The following CDH18 variants were observed in gnomAD, a reference collection of about 807,000 sequenced individuals.
CDH18 encodes cadherin-18.
A neutral mutation model predicts 67.9 loss-of-function variants in CDH18; 31 were observed. The ratio of observed to expected loss-of-function variants is 0.46; its 90% CI spans 0.34 to 0.62. The LOEUF (loss-of-function observed/expected upper bound fraction) is 0.62, where lower values mean the gene tolerates loss of function less well. Ranked by LOEUF, CDH18 falls within the 20% of genes least tolerant of loss-of-function variation. CDH18 has a pLI of 0.01. For missense variants in CDH18, 890 were observed against 975.5 expected (o/e 0.91, Z 1.17); for synonymous variants, 362 against 347.2 (o/e 1.04, Z -0.48).
At chr5:19,728,288 T>C (rs1458505004) in intron 4 of CDH18, among the ~76,000 whole-genome samples, 2 of 152,150 alleles carry the variant, frequency 1.3e-5, no homozygotes. Context: ...TTAAAAGTTA[T>C]AATCACAAAA....
At chr5:20,380,934 C>A (rs1400311523) in intron 1 of CDH18, among the ~76,000 whole-genome samples, 1 of 152,066 alleles carries the variant, frequency 6.6e-6, no homozygotes, top group East Asian at 1.9e-4. Context: ...ATGTTGAAAT[C>A]CTAATTCTCA....
intron 2 of CDH18, among the ~76,000 whole-genome samples, chr5:20,115,268 A>ATTT (rs1202226544): frequency 4.7e-5 from 2 of 42,644 alleles, no homozygotes; most frequent in Admixed American, 2.9e-4. Flanking sequence ...TCAGGGCCTC[A>ATTT]TCTTTTTTTT....
intron 2 of CDH18, among the ~76,000 whole-genome samples, chr5:20,100,472 A>G (rs1278697502): frequency 6.6e-6 from 1 of 152,210 alleles, no homozygotes; most frequent in Admixed American, 6.5e-5. Flanking sequence ...TATGTATCTA[A>G]ATTTTAATTT....
chr5:20,351,163 T>C (rs1265870635), intron 1 of CDH18, among the ~76,000 whole-genome samples: 1 of 126,898 alleles, frequency 7.9e-6, no homozygotes, highest in Non-Finnish European at 1.6e-5. Flanking sequence ...AATGTATTTG[T>C]GTGTGTGTGT....
chr5:20,370,395 T>C (rs1742883057), intron 1 of CDH18, among the ~76,000 whole-genome samples: 1 of 152,204 alleles, frequency 6.6e-6, no homozygotes, highest in Non-Finnish European at 1.5e-5. Context: ...GTTGTTATTA[T>C]CACTTTAGAG....
intron 2 of CDH18, among the ~76,000 whole-genome samples, chr5:20,200,124 T>A (rs1739330535): frequency 6.6e-6 from 1 of 152,208 alleles, no homozygotes. Flanking sequence ...TTAAATCCGA[T>A]AATTATTTCA....
intron 2 of CDH18, among the ~76,000 whole-genome samples, chr5:19,924,347 A>AGAGTCCTATTTTT (rs1386163099): frequency 6.6e-6 from 1 of 152,214 alleles, no homozygotes; most frequent in African/African-American, 2.4e-5. Context: ...TTTTAAAAAT[A>AGAGTCCTATTTTT]GGACTTTGGC....
Position 19,987,569 on chromosome 5 carries a change from G to A in CDH18, c.-376+517C>T, listed in dbSNP as rs139593914. 1.6e-3 allele frequency among the ~76,000 whole-genome samples: 246 copies of A among 151,944 alleles called. 1 individual carries two copies. The highest frequency in any genetic ancestry group is 5.7e-3 in the African/African-American group (236 of 41,462). The stretch of plus-strand genomic sequence containing the variant: ...AAAAGAATGAAAGAATATAAATGAG[G>A]CTTGTCCTGCTGCAGTTTCAGTGCT... On this transcript the variant is annotated intron_variant, in intron 1 of 12. Coordinates refer to ENST00000382275, the MANE Select transcript of CDH18 (RefSeq NM_004934.5).
In CDH18 at chr5:19,785,605, G is replaced by T. The variant is rs149631908; in HGVS notation, c.229-38369C>A. On this transcript the variant is annotated intron_variant, in intron 3 of 12. Transcript: ENST00000382275. ...TGAGGCGGAGGTTGCAGTAAGCCGAGATCATGCCATTGCATTCCAGCCTCG... is the reference window on the plus strand; with the variant it reads ...TGAGGCGGAGGTTGCAGTAAGCCGATATCATGCCATTGCATTCCAGCCTCG... Among the ~76,000 whole-genome samples the T allele has an allele frequency of 2.8e-3, 350 of 126,724 alleles. 3 individuals carry two copies. The highest frequency in any genetic ancestry group is 9.9e-3 in the African/African-American group (330 of 33,208). 83.1% of individuals were successfully genotyped at this position (126,724 alleles called of 152,430 possible). A position where few individuals can be genotyped will look rare whatever the true frequency, so the allele number is the denominator to read the frequency against.
chr5:19,611,586 C>A (rs1423966377), intron 6 of CDH18, among the ~76,000 whole-genome samples: 1 of 151,962 alleles, frequency 6.6e-6, no homozygotes, highest in African/African-American at 2.4e-5. Flanking sequence ...AAAGGCATTT[C>A]GCGCTGATTT....
intron 2 of CDH18, among the ~76,000 whole-genome samples, chr5:20,204,935 G>C (rs561211175): frequency 6.6e-6 from 1 of 151,470 alleles, no homozygotes; most frequent in East Asian, 1.9e-4. Flanking sequence ...AAAGCAATAA[G>C]TTAAAAAAAA....
chr5:19,610,952 T>A (rs1748853374), intron 6 of CDH18, among the ~76,000 whole-genome samples: 1 of 152,158 alleles, frequency 6.6e-6, no homozygotes, highest in South Asian at 2.1e-4. Flanking sequence ...ATCTCTGGCA[T>A]CAACATTTTA....
intron 2 of CDH18, among the ~76,000 whole-genome samples, chr5:20,127,599 G>C (rs910949335): frequency 2.6e-5 from 4 of 152,044 alleles, no homozygotes; most frequent in African/African-American, 9.7e-5. Flanking sequence ...AGTCACAGAA[G>C]GGCAAACACT....
intron 2 of CDH18, among the ~76,000 whole-genome samples, chr5:20,108,143 C>T (rs928562955): frequency 6.6e-6 from 1 of 152,054 alleles, no homozygotes; most frequent in African/African-American, 2.4e-5. Flanking sequence ...TGCAGTGATG[C>T]AATCTCAGCT....
intron 3 of CDH18, among the ~76,000 whole-genome samples, chr5:19,804,391 T>C (rs774421098): frequency 2.6e-5 from 4 of 152,140 alleles, no homozygotes; most frequent in Admixed American, 2.6e-4. Context: ...CTCCCATACC[T>C]AGGTAATCCT....
intron 1 of CDH18, among the ~76,000 whole-genome samples, chr5:20,343,850 A>C (rs570454070): frequency 6.6e-6 from 1 of 152,196 alleles, no homozygotes; most frequent in South Asian, 2.1e-4. Context: ...GAGTATCCTC[A>C]CTTTTCCTTC....
intron 9 of CDH18, among the ~76,000 whole-genome samples, chr5:19,524,759 T>A (rs1747468307): frequency 1.3e-5 from 2 of 152,146 alleles, no homozygotes; most frequent in Admixed American, 1.3e-4. Flanking sequence ...TGCTCTTTTT[T>A]TTCTGAGATG....
chr5:19,970,567 C>G (rs922040085), intron 2 of CDH18, among the ~76,000 whole-genome samples: 1 of 151,434 alleles, frequency 6.6e-6, no homozygotes, highest in Non-Finnish European at 1.5e-5. Flanking sequence ...GGAACTATTA[C>G]TGTATTACGT....
intron 1 of CDH18, among the ~76,000 whole-genome samples, chr5:20,360,922 A>T (rs373210931): frequency 2.6e-5 from 4 of 152,134 alleles, no homozygotes; most frequent in Non-Finnish European, 4.4e-5. Flanking sequence ...ATATATTCAA[A>T]GGCAAAATGC....
Sources: allele counts gnomAD v4.1 joint callset (sites outside exome capture counted in the v4.1 genomes callset), GRCh38; gene constraint gnomAD v4.1.1; transcripts MANE v1.5; gene names NCBI Gene and HGNC (gene_info 2026-07-23, HGNC 2026-07-21).